ITGAM: variants seen among roughly 807,000 people sequenced by gnomAD.
ITGAM encodes the protein integrin subunit alpha M.
A neutral mutation model predicts 137.5 loss-of-function variants in ITGAM; 79 were observed. That is an observed-to-expected ratio of 0.57 (90% CI 0.48 to 0.69). The LOEUF (loss-of-function observed/expected upper bound fraction) is 0.69. Ranked by LOEUF, ITGAM falls within the 30% of genes least tolerant of loss-of-function variation. ITGAM has a pLI of 0.00. For missense variants in ITGAM, 1,343 were observed against 1,483.5 expected (o/e 0.91, Z 1.56); for synonymous variants, 583 against 592.3 (o/e 0.98, Z 0.23).
chr16:31,265,276 A>G (rs1048173917), intron 2 of ITGAM, 119 bp from the exon 3 acceptor site: 3 of 504,766 alleles, frequency 5.9e-6, no homozygotes, highest in Non-Finnish European at 1.1e-5. Context: ...CCTCCTAGTC[A>G]TAGGAATTTA....
chr16:31,302,428 C>CTTCTTTCTTTCT (rs201632413), intron 14 of ITGAM, among the ~76,000 whole-genome samples: 1 of 103,126 alleles, frequency 9.7e-6, no homozygotes, highest in African/African-American at 5.5e-5. Flanking sequence ...TTCTTTCTTT[C>CTTCTTTCTTTCT]TTCTTTCTTT....
rs577834891 is a variant in ITGAM at position 31,299,236 on chromosome 16, T to A, written c.1707+1282T>A. ...ATATTGAAAATGTATACCCATTGAT[T>A]AGCAACTCCTCATTGTTCTCTAGCC... is the stretch of plus-strand genomic sequence containing the variant. On this transcript the variant is annotated intron_variant, in intron 14 of 29. Coordinates refer to ENST00000544665, the MANE Select transcript of ITGAM (RefSeq NM_000632.4). 2.6e-5 allele frequency among the ~76,000 whole-genome samples: 4 copies of A among 152,316 alleles called. No homozygotes were observed. In the South Asian group the frequency reaches 8.3e-4, roughly 32 times the overall value.
At chr16:31,322,339 GC>G in intron 16 of ITGAM, among the ~76,000 whole-genome samples, 1 of 152,272 alleles carries the variant, frequency 6.6e-6, no homozygotes, top group Non-Finnish European at 1.5e-5. Context: ...TGAGGAGATA[GC>G]ATTCCAGATA....
chr16:31,268,272 C>T (rs2079791939), intron 5 of ITGAM, among the ~76,000 whole-genome samples: 1 of 152,226 alleles, frequency 6.6e-6, no homozygotes. Context: ...TCAGCTAACA[C>T]TTCTACCTCT....
At chr16:31,315,560 C>T (rs568871248) in intron 14 of ITGAM, among the ~76,000 whole-genome samples, 3 of 151,806 alleles carry the variant, frequency 2.0e-5, no homozygotes, top group Non-Finnish European at 2.9e-5. Context: ...CGGGTCCCAG[C>T]GATTCTCCTG....
chr16:31,327,781 TG>T (rs1421630358), intron 22 of ITGAM, among the ~76,000 whole-genome samples: 1 of 151,846 alleles, frequency 6.6e-6, no homozygotes, highest in African/African-American at 2.4e-5. Context: ...AAGGAGTTGG[TG>T]GTGGTTAGAT....
At chr16:31,304,541 T>C (rs2144411135) in intron 14 of ITGAM, among the ~76,000 whole-genome samples, 1 of 152,292 alleles carries the variant, frequency 6.6e-6, no homozygotes, top group Non-Finnish European at 1.5e-5. Flanking sequence ...CCTAGGCCAA[T>C]GTCCAGAAGA....
At chr16:31,280,140 T>G (rs913520099) in intron 12 of ITGAM, among the ~76,000 whole-genome samples, 1 of 152,232 alleles carries the variant, frequency 6.6e-6, no homozygotes, top group East Asian at 1.9e-4. Flanking sequence ...GTTACTGTAG[T>G]CTTGTAATAT....
intron 14 of ITGAM, among the ~76,000 whole-genome samples, chr16:31,302,985 T>C (rs1689828556): frequency 8.1e-6 from 1 of 123,384 alleles, no homozygotes; most frequent in East Asian, 2.2e-4. Flanking sequence ...TCTTTCTTTC[T>C]TTCTTTCTTT....
intron 22 of ITGAM, 44 bp downstream of exon 22, chr16:31,326,979 C>T (rs768370255): frequency 3.2e-5 from 46 of 1,427,596 alleles, no homozygotes; most frequent in Middle Eastern, 1.7e-4. Context: ...GCCCGTCTGA[C>T]GCCCCAGCCC....
At chr16:31,274,858 G>C (rs2079889284) in intron 8 of ITGAM, among the ~76,000 whole-genome samples, 1 of 152,158 alleles carries the variant, frequency 6.6e-6, no homozygotes, top group African/African-American at 2.4e-5. Flanking sequence ...GATCTCAAGT[G>C]ATCTGCCCGC....
chr16:31,328,563 C>A (rs1485780202), intron 23 of ITGAM, among the ~76,000 whole-genome samples: 2 of 138,954 alleles, frequency 1.4e-5, no homozygotes, highest in Non-Finnish European at 3.1e-5. Context: ...GTGTGAGGAT[C>A]CTTGTGCATG....
Position 31,271,960 on chromosome 16 carries a change from GAC to G in ITGAM, c.679_680del (p.Thr227GlyfsTer13), listed in dbSNP as rs1479465548. ...VKPITQLLGRTHTATGIRKVV... is the reference protein window; with the variant it reads ...VKPITQLLGRXHTATGIRKVV... ...AGCCAATAACGCAGCTGCTTGGGCG[GAC>G]ACACACGGCCACGGGCATCCGCAAA... On this transcript the variant is annotated frameshift_variant, in exon 7 of 30. Transcript: ENST00000544665. LOFTEE classifies it high-confidence loss of function. 6.2e-7 allele frequency: 1 copy of G among 1,614,000 alleles called. No individual in the cohort carries two copies. Among genetic ancestry groups the G allele is most frequent in the Admixed American group, 1.7e-5 (1 of 60,002 alleles).
chr16:31,291,777 T>C (rs1031311838), intron 12 of ITGAM, among the ~76,000 whole-genome samples: 16 of 151,958 alleles, frequency 1.1e-4, no homozygotes, highest in African/African-American at 3.9e-4. Flanking sequence ...GATGGGTTAC[T>C]AGAGACTGGG....
intron 2 of ITGAM, 58 bp downstream of exon 2, chr16:31,261,855 C>A: frequency 9.3e-7 from 1 of 1,071,056 alleles, no homozygotes; most frequent in Non-Finnish European, 1.4e-6. Context: ...ACTTACATAC[C>A]TGAAAAAAAT....
At chr16:31,311,248 C>G (rs531364151) in intron 14 of ITGAM, among the ~76,000 whole-genome samples, 3 of 152,160 alleles carry the variant, frequency 2.0e-5, no homozygotes, top group Non-Finnish European at 4.4e-5. Flanking sequence ...TCTAAAACAT[C>G]GAAAGCAATG....
chr16:31,290,084 A>AAC (rs1431213872), intron 12 of ITGAM, among the ~76,000 whole-genome samples: 17 of 150,598 alleles, frequency 1.1e-4, no homozygotes, highest in African/African-American at 4.1e-4. Flanking sequence ...TCCATCCAAA[A>AAC]AAAAAAAAAA....
chr16:31,324,876 T>C lies in ITGAM; in HGVS notation c.2290-82T>C. 4 of 1,551,896 alleles carry C rather than the reference T, an allele frequency of 2.6e-6. No individual in the cohort carries two copies. The South Asian group carries it at 4.8e-5, about 19-fold the overall frequency. On this transcript the variant is annotated intron_variant, in intron 18 of 29. Transcript: ENST00000544665. The surrounding 1 kb of genome is among the most constrained non-coding windows in gnomAD (Gnocchi z 4.5). ...TTATTTGATTGCATCTAATTTTACT[T>C]CAACATTTGATTTTATTGTTTAATT...
chr16:31,288,897 C>T (rs565294926), intron 12 of ITGAM, among the ~76,000 whole-genome samples: 1 of 152,132 alleles, frequency 6.6e-6, no homozygotes, highest in East Asian at 1.9e-4. Flanking sequence ...TCAAAGAACT[C>T]AAACAAATTT....
Sources: allele counts gnomAD v4.1 joint callset (sites outside exome capture counted in the v4.1 genomes callset), GRCh38; gene constraint gnomAD v4.1.1; non-coding constraint Gnocchi (gnomAD v3.1); transcripts MANE v1.5; gene names NCBI Gene and HGNC (gene_info 2026-07-23, HGNC 2026-07-21).